Variants in BCAN observed in about 807,000 individuals in gnomAD.
BCAN encodes the protein brevican core protein.
BCAN carries 51 observed loss-of-function variants against 92.4 expected under a neutral mutation model. The ratio of observed to expected loss-of-function variants is 0.55; its 90% confidence interval spans 0.44 to 0.70. The LOEUF is 0.70. BCAN is among the 30% of genes least tolerant of loss of function. The pLI is 0.00. For missense variants in BCAN, 1,140 were observed against 1,212.1 expected (o/e 0.94, Z 0.88); for synonymous variants, 501 against 505.2 (o/e 0.99, Z 0.11).
At chr1:156,648,493 C>G in intron 5 of BCAN, 75 bp from the exon 6 acceptor site, 1 of 1,457,140 alleles carries the variant, frequency 6.9e-7, no homozygotes, top group Non-Finnish European at 9.3e-7. Flanking sequence ...GAAGCTTGCC[C>G]AGGGTTCCCA....
chr1:156,659,109 C>T lies in BCAN; in HGVS notation c.2711C>T (p.Pro904Leu), dbSNP rs1414209973. The T allele has an allele frequency of 1.3e-6, 2 of 1,585,442 alleles. No individual in the cohort carries two copies. The highest frequency in any genetic ancestry group is 1.7e-6 in the Non-Finnish European group (2 of 1,167,330). ...LGRWKALLIP[P>L]SSPMPGP Reference sequence around the variant, plus strand: ...CGCTGGAAGGCGCTGTTGATCCCCCCTTCCAGCCCCATGCCAGGTCCCTAG... The same window carrying T: ...CGCTGGAAGGCGCTGTTGATCCCCCTTTCCAGCCCCATGCCAGGTCCCTAG... Residue 904 changes from proline to leucine, a missense_variant, in exon 14 of 14, where the codon CCT becomes CTT. Transcript: ENST00000329117.
intron 8 of BCAN, among the ~76,000 whole-genome samples, chr1:156,654,349 A>G (rs1180065671): frequency 6.6e-6 from 1 of 152,252 alleles, no homozygotes; most frequent in East Asian, 1.9e-4. Context: ...TCCCTGCACA[A>G]CTGGCCTTGG....
chr1:156,645,252 G>A (rs1678922771), intron 1 of BCAN, among the ~76,000 whole-genome samples: 1 of 152,214 alleles, frequency 6.6e-6, no homozygotes, highest in Non-Finnish European at 1.5e-5. Flanking sequence ...ATAGAGGCCA[G>A]ACTGGCAGAG....
intron 6 of BCAN, 44 bp downstream of exon 6, chr1:156,648,905 G>T: frequency 6.6e-7 from 1 of 1,515,656 alleles, no homozygotes; most frequent in Non-Finnish European, 8.9e-7. Flanking sequence ...TCTCAGAAAG[G>T]CAGAGTTGAG....
In BCAN at chr1:156,647,510, G is replaced by T. The variant is rs755028604; in HGVS notation, c.469G>T (p.Val157Phe). 9.6e-6 allele frequency: 15 copies of T among 1,558,440 alleles called. No homozygotes were observed. The highest frequency in any genetic ancestry group is 2.3e-5 in the East Asian group (1 of 44,412). Residue 157 changes from valine to phenylalanine, a missense_variant and splice_region_variant, in exon 4 of 14, where the codon GTC (valine) becomes TTC (phenylalanine). Val to Phe is a conservative substitution (Grantham distance 50, BLOSUM62 -1). This residue lies in a region of BCAN where 286 missense variants were observed against 284.1 expected (regional missense o/e 1.01). Coordinates refer to ENST00000329117, the MANE Select transcript of BCAN (RefSeq NM_021948.5). The surrounding 1 kb of genome is among the most constrained non-coding windows in gnomAD (Gnocchi z 4.8). ...CAGGGGTCCTCTCTGCCCCACAGGG[G>T]TCGTCTTTCTCTACCGAGAGGGCTC... ...SDAVEVKVKG[V>F]VFLYREGSAR...
At chr1:156,646,573 A>G in intron 2 of BCAN, 1 of 661,220 alleles carries the variant, frequency 1.5e-6, no homozygotes, top group Non-Finnish European at 2.4e-6. Flanking sequence ...TGGGGGCTGA[A>G]TTGACTGGGA....
rs764775780 is a variant in BCAN at position 156,658,299 on chromosome 1, CAAGG to C, written c.2437+32_2437+35del. On this transcript the variant is annotated intron_variant, in intron 12 of 13. Coordinates refer to ENST00000329117, the MANE Select transcript of BCAN (RefSeq NM_021948.5). This position sits in a 1 kb window ranked among gnomAD's most constrained non-coding sequence, Gnocchi z 4.4. ...GAGGGCAGGCAAAGGAGGGTCCCAG[CAAGG>C]AAGTGGAGGGGTGGGCTAGGGGACC... 1 of 1,610,360 alleles carries C rather than the reference CAAGG, an allele frequency of 6.2e-7. No homozygotes were observed. Among genetic ancestry groups the C allele is most frequent in the East Asian group, 2.2e-5 (1 of 44,864 alleles).
chr1:156,656,833 T>C (rs1679346594), intron 9 of BCAN, 105 bp from the exon 10 acceptor site: 2 of 1,484,544 alleles, frequency 1.3e-6, no homozygotes, highest in East Asian at 4.6e-5. Flanking sequence ...TCCCCCTTAG[T>C]CCCGCCCCTC....
At position 156,658,786 on chromosome 1, in the gene BCAN, C is replaced by T; in HGVS notation, c.2628+53C>T. On this transcript the variant is annotated intron_variant, in intron 13 of 13. Transcript: ENST00000329117. This position sits in a 1 kb window ranked among gnomAD's most constrained non-coding sequence, Gnocchi z 4.4. ...GTGGGAGACAGTAGCCAACAGTAGCCTTGGACTCCACTTAAAGTCCTGCCT... is the reference window on the plus strand; with the variant it reads ...GTGGGAGACAGTAGCCAACAGTAGCTTTGGACTCCACTTAAAGTCCTGCCT... 1.2e-6 allele frequency: 2 copies of T among 1,604,892 alleles called. No homozygotes were observed. Among genetic ancestry groups the T allele is most frequent in the Middle Eastern group, 3.3e-4 (2 of 6,018 alleles).
intron 1 of BCAN, chr1:156,643,944 G>A (rs2102552125): frequency 6.6e-6 from 1 of 152,384 alleles, no homozygotes; most frequent in South Asian, 2.1e-4. Flanking sequence ...AGTGGTGTGT[G>A]GGATAGAGAA....
rs1226856543 is a variant in BCAN at position 156,651,567 on chromosome 1, T to G, written c.1175T>G (p.Leu392Arg). The G allele has an allele frequency of 1.2e-6, 2 of 1,613,856 alleles. No homozygotes were observed. Among genetic ancestry groups the G allele is most frequent in the African/African-American group, 1.3e-5 (1 of 74,918 alleles). Residue 392 changes from leucine to arginine, a missense_variant, in exon 7 of 14, where the codon CTG (leucine) becomes CGG (arginine). Transcript: ENST00000329117. ...ACAGAGACCCTGGAGGAACTGCAGC[T>G]GCCTCAGGAAGCCACAGAGAGTGAA... ...TVTETLEELQ[L>R]PQEATESESR...
At chr1:156,652,142 C>T (rs1679183970) in intron 7 of BCAN, 106 bp from the exon 8 acceptor site, 1 of 1,448,280 alleles carries the variant, frequency 6.9e-7, no homozygotes, top group East Asian at 2.3e-5. Flanking sequence ...CTTCCCTATT[C>T]CCCAGGGCTC....
intron 8 of BCAN, among the ~76,000 whole-genome samples, chr1:156,653,759 G>A (rs201654118): frequency 6.6e-6 from 1 of 152,132 alleles, no homozygotes; most frequent in East Asian, 1.9e-4. Flanking sequence ...CCCTGGAGAA[G>A]TCATCATCCA....
rs1679210698 is a variant in BCAN at position 156,652,666 on chromosome 1, T to C, written c.1716T>C (p.Pro572=). The part of the protein sequence containing the change: ...AREVGEATGG[P]ELSGVPRGES... The stretch of plus-strand genomic sequence containing the variant: ...AGGTGGGGGAGGCAACTGGTGGTCC[T>C]GAGCTATCTGGGGTCCCTCGAGGAG... Residue 572 remains proline, a synonymous_variant, in exon 8 of 14, where the codon CCT becomes CCC. Transcript: ENST00000329117. 6.2e-7 allele frequency: 1 copy of C among 1,613,326 alleles called. No individual in the cohort carries two copies. The highest frequency in any genetic ancestry group is 1.3e-5 in the African/African-American group (1 of 75,038).
rs1679030478 is a variant in BCAN at position 156,647,695 on chromosome 1, T to C, written c.641+13T>C. On this transcript the variant is annotated intron_variant, in intron 4 of 13. Transcript: ENST00000329117. This position sits in a 1 kb window ranked among gnomAD's most constrained non-coding sequence, Gnocchi z 4.8. The stretch of plus-strand genomic sequence containing the variant: ...ATCAGACCGTGAGGTGGGCAGGGGC[T>C]GTGGATTGGGGCTTCTATTGGCCCC... 2 of 1,573,114 alleles carry C rather than the reference T, an allele frequency of 1.3e-6. No individual in the cohort carries two copies. Among genetic ancestry groups the C allele is most frequent in the South Asian group, 2.3e-5 (2 of 85,224 alleles).
intron 2 of BCAN, chr1:156,646,374 G>A: frequency 1.9e-6 from 1 of 524,694 alleles, no homozygotes; most frequent in Non-Finnish European, 3.4e-6. Context: ...CTAAGGTGGA[G>A]GATAGGGGAT....
chr1:156,647,433 G>A lies in BCAN; in HGVS notation c.467-75G>A, dbSNP rs1324088922. On this transcript the variant is annotated intron_variant, in intron 3 of 13. Coordinates refer to ENST00000329117, the MANE Select transcript of BCAN (RefSeq NM_021948.5). The surrounding 1 kb of genome is among the most constrained non-coding windows in gnomAD (Gnocchi z 4.8). ...AACTTTATTTACCCTTGTGTACAGA[G>A]GAGTGACAAGGAGGGTGAGGGGAGG... The A allele has an allele frequency of 2.9e-5, 41 of 1,393,904 alleles. No homozygotes were observed. Among genetic ancestry groups the A allele is most frequent in the Non-Finnish European group, 3.9e-5 (40 of 1,026,472 alleles). 86.3% of individuals were successfully genotyped at this position (1,393,904 alleles called of 1,614,324 possible).
Position 156,658,529 on chromosome 1 carries a change from G to C in BCAN, c.2438-14G>C. The C allele has an allele frequency of 6.2e-7, 1 of 1,608,274 alleles. No individual in the cohort carries two copies. The highest frequency in any genetic ancestry group is 1.1e-5 in the South Asian group (1 of 90,924). On this transcript the variant is annotated splice_polypyrimidine_tract_variant and intron_variant, in intron 12 of 13. Coordinates refer to ENST00000329117, the MANE Select transcript of BCAN (RefSeq NM_021948.5). The surrounding 1 kb of genome is among the most constrained non-coding windows in gnomAD (Gnocchi z 4.4). ...ACAGAGCCAGGCTCAGTTCCTAACT[G>C]TCTTCCTTTGCAGTGTCCTGTGGGC...
At position 156,646,108 on chromosome 1, in the gene BCAN, T is replaced by A; in HGVS notation, c.54T>A (p.Pro18=). 1 of 1,613,884 alleles carries A rather than the reference T, an allele frequency of 6.2e-7. No homozygotes were observed. The highest frequency in any genetic ancestry group is 8.5e-7 in the Non-Finnish European group (1 of 1,179,792). Residue 18 remains proline, a synonymous_variant, in exon 2 of 14, where the codon CCT becomes CCA. Transcript: ENST00000329117. The part of the protein sequence containing the change: ...LLAALVLAQA[P]AALADVLEGD... ...CAGCCCTGGTCCTGGCCCAGGCTCC[T>A]GCAGCTTTAGCAGATGTTCTGGAAG...
Sources: allele counts gnomAD v4.1 joint callset (sites outside exome capture counted in the v4.1 genomes callset), GRCh38; gene constraint gnomAD v4.1.1; regional missense constraint gnomAD v4.1.1; non-coding constraint Gnocchi (gnomAD v3.1); transcripts MANE v1.5; gene names NCBI Gene and HGNC (gene_info 2026-07-23, HGNC 2026-07-21).